Variants in NOX4 observed in about 807,000 individuals in gnomAD.
The protein encoded by NOX4 is kidney oxidase-1.
NOX4 carries 69 observed loss-of-function variants against 87.6 expected under a neutral mutation model. The observed-to-expected ratio is 0.79, with a 90% CI of 0.65 to 0.96. NOX4 has a LOEUF of 0.96. Ranked by LOEUF, NOX4 falls within the 40% of genes least tolerant of loss-of-function variation. The pLI is 0.00. For synonymous variants in NOX4, 275 were observed against 238.2 expected (o/e 1.15, Z -1.42); for missense variants, 680 against 681.5 (o/e 1.00, Z 0.02).
the NOX4 span, among the ~76,000 whole-genome samples, chr11:89,541,972 ATTTTTGTAGTTTTT>A: frequency 7.6e-6 from 1 of 131,498 alleles, no homozygotes; most frequent in Admixed American, 7.3e-5. Context: ...TACCCAGCTA[ATTTTTGTAGTTTTT>A]TTTTTGTAGA....
At chr11:89,413,557 T>C (rs563186350) in intron 8 of NOX4, among the ~76,000 whole-genome samples, 1 of 152,158 alleles carries the variant, frequency 6.6e-6, no homozygotes, top group Admixed American at 6.6e-5. Flanking sequence ...TTGTGTTAAG[T>C]GAAATAAGCA....
intron 12 of NOX4, among the ~76,000 whole-genome samples, chr11:89,358,933 G>GA (rs772378980): frequency 0.01 from 1,483 of 144,042 alleles, 9 homozygotes; most frequent in Middle Eastern, 0.018. Flanking sequence ...AAAGCCACTG[G>GA]AAAAAAAAAA....
chr11:89,453,254 A>G (rs553713667), intron 2 of NOX4, among the ~76,000 whole-genome samples: 61 of 152,154 alleles, frequency 4.0e-4, no homozygotes, highest in African/African-American at 1.5e-3. Context: ...CTCTACTTCT[A>G]TGATTTCAAC....
chr11:89,335,193 T>C (rs1945648603), intron 17 of NOX4, among the ~76,000 whole-genome samples: 2 of 151,782 alleles, frequency 1.3e-5, no homozygotes, highest in Admixed American at 1.3e-4. Flanking sequence ...TTCTTATAGA[T>C]CAGTGCTCTG....
intron 2 of NOX4, chr11:89,488,790 G>C (rs597046): frequency 0.91 from 454,596 of 497,616 alleles, 208,503 homozygotes; most frequent in Non-Finnish European, 0.94. Flanking sequence ...TATTCATTAA[G>C]TTACACCTAA....
At chr11:89,509,429 C>T in the NOX4 span, among the ~76,000 whole-genome samples, 3 of 152,084 alleles carry the variant, frequency 2.0e-5, no homozygotes, top group East Asian at 1.9e-4. Flanking sequence ...CAGCAATTGT[C>T]TGAAATTACA....
At chr11:89,396,064 G>A (rs2135158719) in intron 11 of NOX4, among the ~76,000 whole-genome samples, 1 of 152,226 alleles carries the variant, frequency 6.6e-6, no homozygotes, top group East Asian at 1.9e-4. Context: ...GCTTGATGGG[G>A]ATGGCATTGA....
chr11:89,525,427 G>A, the NOX4 span, among the ~76,000 whole-genome samples: 1 of 151,958 alleles, frequency 6.6e-6, no homozygotes, highest in African/African-American at 2.4e-5. Context: ...GATATGTAAT[G>A]TACCTCATTT....
the NOX4 span, among the ~76,000 whole-genome samples, chr11:89,544,959 C>T: frequency 6.6e-6 from 1 of 152,154 alleles, no homozygotes; most frequent in East Asian, 1.9e-4. Context: ...TCGGTAGCAG[C>T]CATAACCAAG....
At chr11:89,536,483 C>T in the NOX4 span, among the ~76,000 whole-genome samples, 1 of 152,108 alleles carries the variant, frequency 6.6e-6, no homozygotes, top group Non-Finnish European at 1.5e-5. Flanking sequence ...CCATATGATC[C>T]TTCTGCTTCC....
At chr11:89,559,806 C>A in the NOX4 span, among the ~76,000 whole-genome samples, 1 of 152,062 alleles carries the variant, frequency 6.6e-6, no homozygotes, top group African/African-American at 2.4e-5. Flanking sequence ...AACACCAGAA[C>A]TTGAGCAAAG....
At chr11:89,579,988 A>C in the NOX4 span, among the ~76,000 whole-genome samples, 1 of 152,162 alleles carries the variant, frequency 6.6e-6, no homozygotes, top group South Asian at 2.1e-4. Flanking sequence ...AGACTATAAG[A>C]ATCACATATT....
chr11:89,575,749 C>T, the NOX4 span, among the ~76,000 whole-genome samples: 1 of 151,526 alleles, frequency 6.6e-6, no homozygotes, highest in Non-Finnish European at 1.5e-5. Flanking sequence ...CCCTCTCTTC[C>T]TCCTTCTTCT....
chr11:89,438,872 TA>T lies in NOX4; in HGVS notation c.475+1815del, dbSNP rs1565293913. On this transcript the variant is annotated intron_variant, in intron 6 of 17. Transcript: ENST00000263317. ...TATATAATATATTATATATTATATA[TA>T]TAATATATAATATATTATATATTAT... 2.1e-4 allele frequency among the ~76,000 whole-genome samples: 11 copies of T among 52,308 alleles called. 2 individuals carry two copies. The South Asian group carries it at 3.1e-3, about 15-fold the overall frequency. 34.3% of individuals were successfully genotyped at this position (52,308 alleles called of 152,430 possible).
chr11:89,559,398 G>C, the NOX4 span, among the ~76,000 whole-genome samples: 41 of 151,990 alleles, frequency 2.7e-4, 1 homozygote, highest in Non-Finnish European at 4.4e-4. Context: ...CAGTATATCT[G>C]GTAAATATTT....
chr11:89,423,233 C>T (rs1165943040), intron 7 of NOX4, among the ~76,000 whole-genome samples: 1 of 152,118 alleles, frequency 6.6e-6, no homozygotes, highest in African/African-American at 2.4e-5. Flanking sequence ...CAACTGTAGG[C>T]TAGGAGTGCC....
intron 2 of NOX4, among the ~76,000 whole-genome samples, chr11:89,490,109 T>C (rs1311209744): frequency 6.6e-6 from 1 of 152,112 alleles, no homozygotes; most frequent in Non-Finnish European, 1.5e-5. Flanking sequence ...CACTGATAAG[T>C]ATATACTAAA....
chr11:89,338,929 C>A (rs902100125), intron 15 of NOX4, among the ~76,000 whole-genome samples: 1 of 152,092 alleles, frequency 6.6e-6, no homozygotes, highest in African/African-American at 2.4e-5. Flanking sequence ...ATCTCAGAAC[C>A]TGATGCTGGA....
chr11:89,516,857 T>C, the NOX4 span, among the ~76,000 whole-genome samples: 1 of 152,002 alleles, frequency 6.6e-6, no homozygotes, highest in Admixed American at 6.6e-5. Flanking sequence ...GATAGCATCG[T>C]GGGTATTTGG....
Sources: allele counts gnomAD v4.1 joint callset (sites outside exome capture counted in the v4.1 genomes callset), GRCh38; gene constraint gnomAD v4.1.1; transcripts MANE v1.5; gene names NCBI Gene and HGNC (gene_info 2026-07-23, HGNC 2026-07-21).